RAB11FIP1: variants seen among roughly 807,000 people sequenced by gnomAD.
RAB11FIP1 encodes rab11 family-interacting protein 1.
In RAB11FIP1, 49 loss-of-function variants were observed where a neutral mutation model predicts 83.1. The observed-to-expected ratio is 0.59, with a 90% CI of 0.47 to 0.75. The LOEUF (loss-of-function observed/expected upper bound fraction) is 0.75, where lower values mean the gene tolerates loss of function less well. RAB11FIP1 is among the 30% of genes least tolerant of loss of function. The pLI, the probability that RAB11FIP1 is intolerant of heterozygous loss-of-function variation, is 0.00. For synonymous variants in RAB11FIP1, 670 were observed against 656.0 expected (o/e 1.02, Z -0.33); for missense variants, 1,536 against 1,598.7 (o/e 0.96, Z 0.67).
chr8:37,894,307 A>C (rs1287977827), intron 1 of RAB11FIP1, among the ~76,000 whole-genome samples: 1 of 151,448 alleles, frequency 6.6e-6, no homozygotes, highest in Non-Finnish European at 1.5e-5. Flanking sequence ...TCTGCATCCA[A>C]CTCTCCCAGA....
rs2130115964 is a variant in RAB11FIP1, at chr8:37,861,312, A to G, written c.*1583T>C. 4.4e-6 allele frequency: 1 copy of G among 228,688 alleles called. No homozygotes were observed. The highest frequency in any genetic ancestry group is 8.9e-6 in the Non-Finnish European group (1 of 112,908). 14.2% of individuals were successfully genotyped at this position (228,688 alleles called of 1,614,324 possible). A position where few individuals can be genotyped will look rare whatever the true frequency, so the allele number is the denominator to read the frequency against. ...ATGCTGGTGAGTCTATTCATGAGGG[A>G]AAATGGAAAAAAAGCAACCATTTGA... is the stretch of plus-strand genomic sequence containing the variant. On this transcript the variant is annotated 3_prime_UTR_variant, in exon 6 of 6. Coordinates refer to ENST00000330843, the MANE Select transcript of RAB11FIP1 (RefSeq NM_001002814.3).
chr8:37,868,480 A>G (rs1174570616), intron 5 of RAB11FIP1, among the ~76,000 whole-genome samples: 2 of 152,184 alleles, frequency 1.3e-5, no homozygotes, highest in Non-Finnish European at 2.9e-5. Flanking sequence ...GGACTGTAAA[A>G]TATATGATGG....
chr8:37,873,206 C>A, intron 3 of RAB11FIP1, 27 bp from the exon 4 acceptor site: 1 of 1,545,632 alleles, frequency 6.5e-7, no homozygotes, highest in Non-Finnish European at 8.7e-7. Context: ...ATAAAATCTG[C>A]AGGTCAGTGC....
At chr8:37,864,074 A>G (rs1485542136) in intron 5 of RAB11FIP1, among the ~76,000 whole-genome samples, 2 of 152,334 alleles carry the variant, frequency 1.3e-5, no homozygotes. Context: ...CCCACTTCAC[A>G]TCACTTCATA....
Position 37,871,675 on chromosome 8 carries a change from A to G in RAB11FIP1, c.3127T>C (p.Ser1043Pro), listed in dbSNP as rs1410436105. The G allele has an allele frequency of 6.2e-7, 1 of 1,613,916 alleles. No individual in the cohort carries two copies. The highest frequency in any genetic ancestry group is 1.1e-5 in the South Asian group (1 of 91,088). ...QAPQASVTAP[S>P]EQTTEFGIHK... ...ATTCCGAACTCTGTGGTCTGCTCTG[A>G]AGGAGCTGTCACAGATGCCTGGGGT... The change falls in exon 4 of 6, where the codon TCA becomes CCA. Residue 1043 changes from serine (S) to proline (P), a missense_variant. Transcript: ENST00000330843.
chr8:37,894,514 C>T (rs1156893633), intron 1 of RAB11FIP1, among the ~76,000 whole-genome samples: 1 of 152,040 alleles, frequency 6.6e-6, no homozygotes, highest in African/African-American at 2.4e-5. Context: ...ATCACTCACA[C>T]TCTCTCTTCA....
chr8:37,898,651 CAA>C (rs746280491), intron 1 of RAB11FIP1, among the ~76,000 whole-genome samples: 8 of 91,480 alleles, frequency 8.7e-5, no homozygotes, highest in Admixed American at 2.2e-4. Context: ...GACTCAGTCT[CAA>C]AAAAAAAAAA....
rs1227437825 is a variant in RAB11FIP1 at position 37,873,015 on chromosome 8, G to A, written c.1787C>T (p.Ser596Phe). 15 of 1,613,462 alleles carry A rather than the reference G, an allele frequency of 9.3e-6. No homozygotes were observed. The highest frequency in any genetic ancestry group is 7.6e-6 in the Non-Finnish European group (9 of 1,180,000). Residue 596 changes from serine (S) to phenylalanine (F), a missense_variant, in exon 4 of 6, where the codon TCC becomes TTC. Transcript: ENST00000330843. ...AGCTGCTATGGGAGATGAGAGAGAGGAGAAGACAGAAGGACTCTCAGAGGA... is the reference window on the plus strand; with the variant it reads ...AGCTGCTATGGGAGATGAGAGAGAGAAGAAGACAGAAGGACTCTCAGAGGA... ...TQSSESPSVF[S>F]SLSSPIAAPI...
Position 37,899,458 on chromosome 8 carries a change from C to T in RAB11FIP1, c.-17G>A, listed in dbSNP as rs1183640576. On this transcript the variant is annotated 5_prime_UTR_variant, in exon 1 of 6. Coordinates refer to ENST00000330843, the MANE Select transcript of RAB11FIP1 (RefSeq NM_001002814.3). The surrounding 1 kb of genome is among the most constrained non-coding windows in gnomAD (Gnocchi z 4.5). ...TAGGGACATGGTGACGATAACACTC[C>T]AGAAGCGAGGAGAAGATCGCCGCGA... 1 of 1,500,864 alleles carries T rather than the reference C, an allele frequency of 6.7e-7. No individual in the cohort carries two copies. The highest frequency in any genetic ancestry group is 1.3e-5 in the South Asian group (1 of 75,832). 93.0% of individuals were successfully genotyped at this position (1,500,864 alleles called of 1,614,324 possible). A position where few individuals can be genotyped will look rare whatever the true frequency, so the allele number is the denominator to read the frequency against.
chr8:37,894,938 T>C (rs1261212410), intron 1 of RAB11FIP1, among the ~76,000 whole-genome samples: 1 of 149,630 alleles, frequency 6.7e-6, no homozygotes, highest in Non-Finnish European at 1.5e-5. Context: ...TTTGTGTTTT[T>C]AGTAGAGACA....
At chr8:37,889,246 GT>G (rs1434781245) in intron 1 of RAB11FIP1, among the ~76,000 whole-genome samples, 1 of 152,120 alleles carries the variant, frequency 6.6e-6, no homozygotes, top group African/African-American at 2.4e-5. Context: ...ATCAAGATAG[GT>G]TTTCTAAGTG....
chr8:37,867,306 T>C (rs1413614289), intron 5 of RAB11FIP1, among the ~76,000 whole-genome samples: 1 of 152,262 alleles, frequency 6.6e-6, no homozygotes, highest in African/African-American at 2.4e-5. Context: ...TGACATATTG[T>C]ACATTTTTAG....
At position 37,871,882 on chromosome 8, in the gene RAB11FIP1, G is replaced by C; in HGVS notation, c.2920C>G (p.Gln974Glu). The change falls in exon 4 of 6, where the codon CAG becomes GAG. Residue 974 changes from glutamine to glutamate, a missense_variant. Coordinates refer to ENST00000330843, the MANE Select transcript of RAB11FIP1 (RefSeq NM_001002814.3). Reference protein sequence around the residue: ...EVASDDERIDQVEDDGDQVED... With the variant: ...EVASDDERIDEVEDDGDQVED... ...ACCTGATCTCCGTCATCTTCAACCTGATCTATTCTTTCATCATCCGATGCG... is the reference window on the plus strand; with the variant it reads ...ACCTGATCTCCGTCATCTTCAACCTCATCTATTCTTTCATCATCCGATGCG... 1 of 1,614,136 alleles carries C rather than the reference G, an allele frequency of 6.2e-7. No homozygotes were observed. The highest frequency in any genetic ancestry group is 2.2e-5 in the East Asian group (1 of 44,878).
chr8:37,860,125 C>T lies in RAB11FIP1; in HGVS notation c.*2770G>A, dbSNP rs1376414609. The stretch of plus-strand genomic sequence containing the variant: ...GGAATTTACTCCTCCACCCAGATGT[C>T]CCTCTCATATGGACTGAGTCACACA... On this transcript the variant is annotated 3_prime_UTR_variant, in exon 6 of 6. Coordinates refer to ENST00000330843, the MANE Select transcript of RAB11FIP1 (RefSeq NM_001002814.3). 2 of 152,708 alleles carry T rather than the reference C, an allele frequency of 1.3e-5. No homozygotes were observed. The highest frequency in any genetic ancestry group is 4.8e-5 in the African/African-American group (2 of 41,408). 9.5% of individuals were successfully genotyped at this position (152,708 alleles called of 1,614,324 possible).
chr8:37,883,599 T>C (rs1806766591), intron 1 of RAB11FIP1, among the ~76,000 whole-genome samples: 1 of 152,206 alleles, frequency 6.6e-6, no homozygotes, highest in Non-Finnish European at 1.5e-5. Context: ...CCCTAAGAAA[T>C]CCCAAACCAG....
chr8:37,862,251 T>C lies in RAB11FIP1; in HGVS notation c.*644A>G, dbSNP rs1239091582. On this transcript the variant is annotated 3_prime_UTR_variant, in exon 6 of 6. Coordinates refer to ENST00000330843, the MANE Select transcript of RAB11FIP1 (RefSeq NM_001002814.3). ...AAGGTATTTTAAGGCTAGAGAGTAGTAGAAGTCGATGTTTAGAAAAGGCCG... is the reference window on the plus strand; with the variant it reads ...AAGGTATTTTAAGGCTAGAGAGTAGCAGAAGTCGATGTTTAGAAAAGGCCG... 6.6e-6 allele frequency: 1 copy of C among 152,486 alleles called. No homozygotes were observed. Among genetic ancestry groups the C allele is most frequent in the Non-Finnish European group, 1.5e-5 (1 of 68,244 alleles). 9.4% of individuals were successfully genotyped at this position (152,486 alleles called of 1,614,324 possible). A position where few individuals can be genotyped will look rare whatever the true frequency, so the allele number is the denominator to read the frequency against.
At position 37,899,296 on chromosome 8, in the gene RAB11FIP1, T is replaced by A; in HGVS notation, c.146A>T (p.Lys49Met). Residue 49 changes from lysine to methionine, a missense_variant, in exon 1 of 6, where the codon AAG becomes ATG. Lys to Met is a moderately conservative substitution (Grantham distance 95). Coordinates refer to ENST00000330843, the MANE Select transcript of RAB11FIP1 (RefSeq NM_001002814.3). This position sits in a 1 kb window ranked among gnomAD's most constrained non-coding sequence, Gnocchi z 4.5. ...SDAYAVIQVGKEKYATSVSER... is the reference protein window; with the variant it reads ...SDAYAVIQVGMEKYATSVSER... ...CGACACGGAGGTGGCGTACTTCTCC[T>A]TGCCCACCTGGATCACCGCGTACGC... 6.2e-7 allele frequency: 1 copy of A among 1,610,010 alleles called. No homozygotes were observed. The highest frequency in any genetic ancestry group is 2.2e-5 in the East Asian group (1 of 44,754).
At position 37,875,286 on chromosome 8, in the gene RAB11FIP1, TTAAGATCCG is replaced by T; in HGVS notation, c.842_850del (p.Thr281_Leu283del). On this transcript the variant is annotated inframe_deletion, in exon 3 of 6. Transcript: ENST00000330843. ...GGTAAAGTTGACCTGGTTCAGTTGCTTAAGATCCGTACTCGCTGTTCTCTTGTGAGACAT... is the reference window on the plus strand; with the variant it reads ...GGTAAAGTTGACCTGGTTCAGTTGCTTACTCGCTGTTCTCTTGTGAGACAT... 1 of 1,613,600 alleles carries T rather than the reference TTAAGATCCG, an allele frequency of 6.2e-7. No homozygotes were observed. The highest frequency in any genetic ancestry group is 8.5e-7 in the Non-Finnish European group (1 of 1,179,806).
chr8:37,872,546 C>T lies in RAB11FIP1; in HGVS notation c.2256G>A (p.Leu752=). The change falls in exon 4 of 6, where the codon TTG becomes TTA. Residue 752 remains leucine (L), a synonymous_variant. Coordinates refer to ENST00000330843, the MANE Select transcript of RAB11FIP1 (RefSeq NM_001002814.3). ...CCACAAGAGACCCAGCCTGACTCTC[C>T]AAGTCTCTGTCTCCTCCTGCTGCAA... ...GELAAGGDRD[L]ESQAGSLVES... is the part of the protein sequence containing the mutation. 6.8e-6 allele frequency: 11 copies of T among 1,614,234 alleles called. No individual in the cohort carries two copies. Among genetic ancestry groups the T allele is most frequent in the Non-Finnish European group, 9.3e-6 (11 of 1,180,048 alleles).
Sources: gnomAD v4.1 joint callset for allele counts (sites outside exome capture counted in the v4.1 genomes callset) on GRCh38, gnomAD v4.1.1 for gene constraint, Gnocchi (gnomAD v3.1) non-coding constraint, MANE v1.5 for transcripts, NCBI Gene and HGNC (gene_info 2026-07-23, HGNC 2026-07-21) for gene names.